Variants in GUCY1A2 observed in about 807,000 individuals in gnomAD.
GUCY1A2 encodes guanylate cyclase 1 soluble subunit alpha 2, also known as guanylate cyclase soluble subunit alpha-2.
Under a neutral mutation model 63.5 loss-of-function variants are expected in GUCY1A2, and 27 were observed. That is an observed-to-expected ratio of 0.43 (90% CI 0.31 to 0.59). GUCY1A2 has a LOEUF of 0.59. GUCY1A2 is among the 20% of genes least tolerant of loss of function. The probability of loss-of-function intolerance (pLI) is 0.11; values close to 1 mark genes in which losing one functional copy is unlikely to be tolerated. For synonymous variants in GUCY1A2, 364 were observed against 343.5 expected, an observed-to-expected ratio of 1.06 and a Z score of -0.66; for missense variants, 768 against 913.3, an observed-to-expected ratio of 0.84 and a Z score of 2.05.
Position 106,941,650 on chromosome 11 carries a change from C to A in GUCY1A2, c.488-1472G>T, listed in dbSNP as rs543425286. 2.0e-5 allele frequency among the ~76,000 whole-genome samples: 3 copies of A among 152,328 alleles called. No individual in the cohort carries two copies. The South Asian group carries it at 6.2e-4, about 32-fold the overall frequency. On this transcript the variant is annotated intron_variant, in intron 3 of 7. Transcript: ENST00000526355. Reference sequence around the variant, plus strand: ...GTCTACAGCTTAGCTGCTTTCCTACCTTTATCATTCCCTGAGTGTTCCTCC... The same window carrying A: ...GTCTACAGCTTAGCTGCTTTCCTACATTTATCATTCCCTGAGTGTTCCTCC...
intron 4 of GUCY1A2, among the ~76,000 whole-genome samples, chr11:106,884,176 T>C (rs908216947): frequency 6.6e-5 from 10 of 151,584 alleles, no homozygotes; most frequent in South Asian, 2.1e-4. Context: ...GAACTTGGAG[T>C]ATAACAAAAA....
intron 6 of GUCY1A2, among the ~76,000 whole-genome samples, chr11:106,756,396 C>A (rs1462439063): frequency 2.6e-5 from 4 of 152,100 alleles, no homozygotes; most frequent in Non-Finnish European, 5.9e-5. Flanking sequence ...CCTCATGATG[C>A]TAGCTGGTTG....
At chr11:106,726,355 G>T (rs1863408034) in intron 6 of GUCY1A2, among the ~76,000 whole-genome samples, 2 of 152,082 alleles carry the variant, frequency 1.3e-5, no homozygotes, top group Non-Finnish European at 2.9e-5. Context: ...GGCAGAGGGT[G>T]CAGTGAGCCG....
intron 4 of GUCY1A2, among the ~76,000 whole-genome samples, chr11:106,856,603 T>C (rs1320005435): frequency 6.6e-6 from 1 of 152,208 alleles, no homozygotes; most frequent in Admixed American, 6.5e-5. Flanking sequence ...CCTATTACAT[T>C]TATTATTTCT....
chr11:106,692,125 G>C (rs1472846844), intron 7 of GUCY1A2, among the ~76,000 whole-genome samples: 2 of 152,078 alleles, frequency 1.3e-5, no homozygotes, highest in East Asian at 3.9e-4. Flanking sequence ...CCAAGTCCCT[G>C]GGTTGGCTCT....
At chr11:106,981,961 A>C (rs1239734767) in intron 2 of GUCY1A2, among the ~76,000 whole-genome samples, 1 of 152,192 alleles carries the variant, frequency 6.6e-6, no homozygotes. Flanking sequence ...ATAATAATTC[A>C]ATTCATTTAT....
intron 6 of GUCY1A2, among the ~76,000 whole-genome samples, chr11:106,758,528 A>T (rs1383508751): frequency 6.6e-6 from 1 of 152,128 alleles, no homozygotes; most frequent in Non-Finnish European, 1.5e-5. Context: ...ACCAGTCTCA[A>T]TGAGATGAAC....
intron 4 of GUCY1A2, among the ~76,000 whole-genome samples, chr11:106,814,556 T>C (rs2135426538): frequency 6.6e-6 from 1 of 152,182 alleles, no homozygotes; most frequent in East Asian, 1.9e-4. Flanking sequence ...AATGCCCAGC[T>C]AGGAATTACT....
intron 1 of GUCY1A2, among the ~76,000 whole-genome samples, chr11:107,005,086 A>G (rs1471419893): frequency 2.6e-5 from 4 of 152,148 alleles, no homozygotes; most frequent in Non-Finnish European, 5.9e-5. Flanking sequence ...CACTCAACAA[A>G]TAAATATTAT....
intron 4 of GUCY1A2, among the ~76,000 whole-genome samples, chr11:106,863,752 T>A (rs1859547711): frequency 2.6e-5 from 4 of 152,288 alleles, no homozygotes; most frequent in Admixed American, 2.6e-4. Flanking sequence ...TGATATTGAT[T>A]CTTCCTATCC....
At chr11:106,855,029 T>C (rs1859409530) in intron 4 of GUCY1A2, among the ~76,000 whole-genome samples, 1 of 152,072 alleles carries the variant, frequency 6.6e-6, no homozygotes, top group African/African-American at 2.4e-5. Context: ...AGTGGGACTT[T>C]GGGGATGTGA....
rs1038390364 is a variant in GUCY1A2, at chr11:107,018,020, G to A, written c.36C>T (p.Ser12=). 4 of 1,478,704 alleles carry A rather than the reference G, an allele frequency of 2.7e-6. No individual in the cohort carries two copies. Among genetic ancestry groups the A allele is most frequent in the Non-Finnish European group, 2.7e-6 (3 of 1,104,240 alleles). The allele number at this position is 1,478,704 out of a possible 1,614,324, so 91.6% of individuals were successfully genotyped here. The change falls in exon 1 of 8, where the codon AGC becomes AGT. Residue 12 remains serine (S), a synonymous_variant. Transcript: ENST00000526355. ...SRRKISSESF[S]SLGSDYLETS... ...TCTCCAGGTAGTCGGAGCCCAGGGA[G>A]CTGAAGGACTCGGACGAAATCTTCC...
chr11:106,903,985 T>A (rs1201235038), intron 4 of GUCY1A2, among the ~76,000 whole-genome samples: 1 of 152,162 alleles, frequency 6.6e-6, no homozygotes, highest in South Asian at 2.1e-4. Context: ...ATAAAGGACA[T>A]TGGAATAACC....
In GUCY1A2 at chr11:106,687,049, G is replaced by A. The variant is rs893875666; in HGVS notation, c.*500C>T. ...GGTAATATCCCTAAAATATTTTGCC[G>A]AGTTACAATTCTTCCAGTTGGGAAG... On this transcript the variant is annotated 3_prime_UTR_variant, in exon 8 of 8. Coordinates refer to ENST00000526355, the MANE Select transcript of GUCY1A2 (RefSeq NM_000855.3). 2.3e-5 allele frequency: 5 copies of A among 218,924 alleles called. No homozygotes were observed. Among genetic ancestry groups the A allele is most frequent in the African/African-American group, 9.0e-5 (4 of 44,496 alleles). The allele number at this position is 218,924 out of a possible 1,614,324, so 13.6% of individuals were successfully genotyped here. A position where few individuals can be genotyped will look rare whatever the true frequency, so the allele number is the denominator to read the frequency against.
intron 4 of GUCY1A2, among the ~76,000 whole-genome samples, chr11:106,829,012 A>G (rs1307243089): frequency 1.3e-5 from 2 of 152,200 alleles, no homozygotes; most frequent in Non-Finnish European, 2.9e-5. Flanking sequence ...TATAAGAGGA[A>G]TTATATGATT....
intron 4 of GUCY1A2, among the ~76,000 whole-genome samples, chr11:106,922,685 A>C: frequency 6.4e-5 from 1 of 15,532 alleles, no homozygotes; most frequent in East Asian, 3.4e-3. Context: ...ATATATATAT[A>C]TATATATATA....
chr11:106,880,220 C>T (rs1859805104), intron 4 of GUCY1A2, among the ~76,000 whole-genome samples: 2 of 151,982 alleles, frequency 1.3e-5, no homozygotes. Context: ...CCAGGAACAG[C>T]CAACTTGAAG....
intron 4 of GUCY1A2, among the ~76,000 whole-genome samples, chr11:106,834,544 T>C (rs1859092326): frequency 2.0e-5 from 3 of 151,960 alleles, no homozygotes; most frequent in Admixed American, 1.3e-4. Flanking sequence ...TTCCAGACTG[T>C]CATTGTGCTA....
At chr11:106,854,873 TG>T (rs1859406643) in intron 4 of GUCY1A2, among the ~76,000 whole-genome samples, 1 of 152,052 alleles carries the variant, frequency 6.6e-6, no homozygotes, top group African/African-American at 2.4e-5. Context: ...GTATCAGTAC[TG>T]GGGGCAGCCA....
Sources: gnomAD v4.1 joint callset for allele counts (sites outside exome capture counted in the v4.1 genomes callset) on GRCh38, gnomAD v4.1.1 for gene constraint, MANE v1.5 for transcripts, NCBI Gene and HGNC (gene_info 2026-07-23, HGNC 2026-07-21) for gene names.